The following RBFOX1 variants were observed in gnomAD, a reference collection of about 807,000 sequenced individuals.
RBFOX1 encodes RNA binding protein fox-1 homolog 1.
A neutral mutation model predicts 57.7 loss-of-function variants in RBFOX1; 8 were observed. The ratio of observed to expected loss-of-function variants is 0.14; its 90% CI spans 0.08 to 0.25. The LOEUF is 0.25. Ranked by LOEUF, RBFOX1 falls within the 10% of genes least tolerant of loss-of-function variation. The pLI is 1.00. For synonymous variants in RBFOX1, 326 were observed against 222.4 expected (o/e 1.47, Z -4.15); for missense variants, 611 against 548.5 (o/e 1.11, Z -1.14).
At chr16:7,060,540 GGCTTTT>G (rs1568594175) in intron 4 of RBFOX1, among the ~76,000 whole-genome samples, 1 of 152,090 alleles carries the variant, frequency 6.6e-6, no homozygotes, top group Non-Finnish European at 1.5e-5. Context: ...CAAATGAAAT[GGCTTTT>G]AAAGAACAGA....
intron 4 of RBFOX1, among the ~76,000 whole-genome samples, chr16:5,998,285 C>T (rs1013186518): frequency 6.6e-6 from 1 of 152,204 alleles, no homozygotes; most frequent in African/African-American, 2.4e-5. Context: ...CTGATATTCT[C>T]AACAGCTGGA....
intron 4 of RBFOX1, among the ~76,000 whole-genome samples, chr16:7,124,421 T>C (rs964895647): frequency 6.6e-6 from 1 of 151,958 alleles, no homozygotes; most frequent in African/African-American, 2.4e-5. Context: ...CATAAATAAA[T>C]AGATAAAGCT....
rs764142013 is a variant in RBFOX1 at position 6,752,478 on chromosome 16, G to A, written c.-16+97828G>A. ...GAGATGGAATATGACATGCTCTGTC[G>A]CTGGACCTTGCTATGTGCTGGAAGC... On this transcript the variant is annotated intron_variant, in intron 3 of 15. Transcript: ENST00000550418. 5.3e-5 allele frequency among the ~76,000 whole-genome samples: 8 copies of A among 152,136 alleles called. No homozygotes were observed. The East Asian group carries it at 7.7e-4, about 15-fold the overall frequency.
intron 2 of RBFOX1, among the ~76,000 whole-genome samples, chr16:6,577,625 G>A (rs1430082166): frequency 2.6e-5 from 4 of 152,304 alleles, no homozygotes; most frequent in African/African-American, 4.8e-5. Flanking sequence ...ATCATTCCCA[G>A]TGGTTTTACT....
chr16:6,183,453 C>A (rs1482246966), intron 1 of RBFOX1, among the ~76,000 whole-genome samples: 1 of 151,154 alleles, frequency 6.6e-6, no homozygotes, highest in African/African-American at 2.4e-5. Context: ...GTGCTCCAGT[C>A]TGGGTGACAG....
At chr16:5,677,958 A>G (rs922008008) in intron 3 of RBFOX1, among the ~76,000 whole-genome samples, 2 of 152,324 alleles carry the variant, frequency 1.3e-5, no homozygotes, top group Non-Finnish European at 2.9e-5. Context: ...AATGTGTTCT[A>G]TGTCAGATGC....
intron 4 of RBFOX1, among the ~76,000 whole-genome samples, chr16:5,956,279 GAACA>G (rs890264767): frequency 1.4e-4 from 22 of 152,046 alleles, no homozygotes; most frequent in African/African-American, 2.9e-4. Context: ...GTTTCAAAAT[GAACA>G]AACAAACAAA....
At chr16:6,195,519 A>G (rs2097174214) in intron 1 of RBFOX1, among the ~76,000 whole-genome samples, 1 of 152,082 alleles carries the variant, frequency 6.6e-6, no homozygotes, top group Non-Finnish European at 1.5e-5. Context: ...GGATTTCGAG[A>G]CCAGCCTGAC....
At chr16:7,206,453 A>T (rs918782756) in intron 4 of RBFOX1, among the ~76,000 whole-genome samples, 1 of 150,776 alleles carries the variant, frequency 6.6e-6, no homozygotes, top group Non-Finnish European at 1.5e-5. Flanking sequence ...TTTCCTTATT[A>T]ATATATATAA....
At chr16:6,630,935 A>C (rs1247773874) in intron 2 of RBFOX1, among the ~76,000 whole-genome samples, 1 of 152,158 alleles carries the variant, frequency 6.6e-6, no homozygotes, top group Non-Finnish European at 1.5e-5. Flanking sequence ...CAATTAAAAA[A>C]ATGTTTTAAA....
intron 14 of RBFOX1, among the ~76,000 whole-genome samples, chr16:7,678,236 C>A (rs183902278): frequency 2.0e-5 from 3 of 152,004 alleles, no homozygotes; most frequent in African/African-American, 7.3e-5. Context: ...ATACATTTAC[C>A]GAGTAATCAG....
chr16:5,892,995 A>T (rs1194228576), intron 4 of RBFOX1, among the ~76,000 whole-genome samples: 3 of 152,158 alleles, frequency 2.0e-5, no homozygotes, highest in Non-Finnish European at 4.4e-5. Flanking sequence ...AGGAAACAAA[A>T]AATTTCTGGT....
chr16:5,863,435 A>C (rs1305561962), intron 3 of RBFOX1, among the ~76,000 whole-genome samples: 1 of 152,140 alleles, frequency 6.6e-6, no homozygotes, highest in Non-Finnish European at 1.5e-5. Context: ...CCATGGTTGC[A>C]GCTGGCGTCA....
At chr16:6,847,070 A>C (rs758993133) in intron 3 of RBFOX1, among the ~76,000 whole-genome samples, 19 of 152,262 alleles carry the variant, frequency 1.2e-4, no homozygotes, top group Non-Finnish European at 2.4e-4. Context: ...TGTAAAGTGA[A>C]GCATCTTTCC....
intron 4 of RBFOX1, among the ~76,000 whole-genome samples, chr16:7,362,768 G>T (rs557350913): frequency 2.0e-5 from 3 of 152,138 alleles, no homozygotes; most frequent in African/African-American, 7.2e-5. Flanking sequence ...GTATGTTTCT[G>T]TGCGTATATG....
At chr16:5,474,910 C>A (rs187361107) in intron 2 of RBFOX1, among the ~76,000 whole-genome samples, 1 of 152,304 alleles carries the variant, frequency 6.6e-6, no homozygotes, top group Admixed American at 6.5e-5. Context: ...ATGGATTGAA[C>A]CTTTTATTAA....
At chr16:7,544,477 G>A (rs2083857751) in intron 5 of RBFOX1, among the ~76,000 whole-genome samples, 1 of 152,206 alleles carries the variant, frequency 6.6e-6, no homozygotes, top group African/African-American at 2.4e-5. Context: ...AATTCAATGA[G>A]TGTTGTCCTT....
At chr16:5,434,869 T>A (rs1188223146) in intron 1 of RBFOX1, among the ~76,000 whole-genome samples, 1 of 151,170 alleles carries the variant, frequency 6.6e-6, no homozygotes, top group East Asian at 2.0e-4. Flanking sequence ...TTCACTGGCT[T>A]TACATAGCAT....
rs367938227 is a variant in RBFOX1, at chr16:5,462,103, C to T, written c.220-5113C>T. Among the ~76,000 whole-genome samples the T allele has an allele frequency of 7.3e-4, 111 of 151,944 alleles. No individual in the cohort carries two copies. The East Asian group carries it at 0.013, about 18-fold the overall frequency. On this transcript the variant is annotated intron_variant, in intron 1 of 2. Coordinates refer to the RBFOX1 transcript ENST00000585867. ...CGTCTCTTTTCAACAAAAGGTGGAA[C>T]GCTGTGCTTGCCTACATCCCATGAG...
Sources: allele counts gnomAD v4.1 joint callset (sites outside exome capture counted in the v4.1 genomes callset), GRCh38; gene constraint gnomAD v4.1.1; transcripts MANE v1.5; gene names NCBI Gene and HGNC (gene_info 2026-07-23, HGNC 2026-07-21).